GALNTL6: variants seen among roughly 807,000 people sequenced by gnomAD.
GALNTL6 encodes polypeptide N-acetylgalactosaminyltransferase like 6.
A neutral mutation model predicts 73.7 loss-of-function variants in GALNTL6; 46 were observed. That is an observed-to-expected ratio of 0.62 (90% CI 0.49 to 0.80). The LOEUF (loss-of-function observed/expected upper bound fraction) is 0.80, where lower values mean the gene tolerates loss of function less well. Among genes scored for constraint, GALNTL6 ranks in the 30% least tolerant of loss-of-function variants. The probability of loss-of-function intolerance (pLI) is 0.00; values close to 1 mark genes in which losing one functional copy is unlikely to be tolerated. For missense variants in GALNTL6, 604 were observed against 755.0 expected (o/e 0.80, Z 2.34); for synonymous variants, 259 against 263.7 (o/e 0.98, Z 0.17).
At chr4:172,121,841 A>G (rs1407226860) in intron 2 of GALNTL6, among the ~76,000 whole-genome samples, 1 of 152,174 alleles carries the variant, frequency 6.6e-6, no homozygotes, top group Non-Finnish European at 1.5e-5. Flanking sequence ...AGAAAAATAC[A>G]AAGAAAAATT....
At chr4:172,064,441 C>T (rs1236083189) in intron 2 of GALNTL6, among the ~76,000 whole-genome samples, 1 of 152,154 alleles carries the variant, frequency 6.6e-6, no homozygotes, top group African/African-American at 2.4e-5. Flanking sequence ...TATTCTAGGT[C>T]ATAGACAATT....
chr4:172,620,081 T>G (rs930099422), intron 5 of GALNTL6, among the ~76,000 whole-genome samples: 1 of 152,218 alleles, frequency 6.6e-6, no homozygotes, highest in African/African-American at 2.4e-5. Context: ...GTTTTCATGT[T>G]TTTAGTCTGC....
intron 5 of GALNTL6, among the ~76,000 whole-genome samples, chr4:172,687,471 T>C (rs1430119654): frequency 6.6e-6 from 1 of 151,748 alleles, no homozygotes; most frequent in Non-Finnish European, 1.5e-5. Flanking sequence ...CTACTAAAAA[T>C]GCAAACATTA....
At chr4:172,097,676 G>A (rs76714197) in intron 2 of GALNTL6, among the ~76,000 whole-genome samples, 3,089 of 152,246 alleles carry the variant, frequency 0.02, 104 homozygotes, top group African/African-American at 0.068. Flanking sequence ...TGAAGTCATT[G>A]TTTGTTGAGC....
intron 5 of GALNTL6, among the ~76,000 whole-genome samples, chr4:172,552,856 A>AAAAAAAAAC (rs1173624538): frequency 7.0e-6 from 1 of 141,984 alleles, no homozygotes; most frequent in Non-Finnish European, 1.6e-5. Context: ...AAAAAAAAAA[A>AAAAAAAAAC]AGGTAAAAAC....
intron 2 of GALNTL6, among the ~76,000 whole-genome samples, chr4:172,197,835 C>T (rs59054809): frequency 0.013 from 1,994 of 152,176 alleles, 41 homozygotes; most frequent in African/African-American, 0.044. Flanking sequence ...CTAGGCCGGA[C>T]GCGGTGGCTC....
chr4:172,492,197 C>T (rs2110749773), intron 5 of GALNTL6, among the ~76,000 whole-genome samples: 1 of 152,124 alleles, frequency 6.6e-6, no homozygotes, highest in East Asian at 1.9e-4. Context: ...TGTAGATCCC[C>T]AAAATATAAA....
chr4:172,503,739 T>A (rs1031366855), intron 5 of GALNTL6, among the ~76,000 whole-genome samples: 4 of 151,344 alleles, frequency 2.6e-5, no homozygotes, highest in African/African-American at 9.7e-5. Flanking sequence ...AAAAAAGTAA[T>A]ATTCTAAACA....
chr4:172,892,582 C>A (rs1484864989), intron 8 of GALNTL6, among the ~76,000 whole-genome samples: 3 of 149,700 alleles, frequency 2.0e-5, no homozygotes. Flanking sequence ...TTACTGTTGT[C>A]GGCTTTGTTC....
chr4:172,465,370 G>A (rs190560977), intron 5 of GALNTL6, among the ~76,000 whole-genome samples: 173 of 152,014 alleles, frequency 1.1e-3, no homozygotes, highest in African/African-American at 3.9e-3. Flanking sequence ...CCAGCTACTC[G>A]GGAGGCTGAG....
chr4:172,082,868 T>C (rs2174490), intron 2 of GALNTL6, among the ~76,000 whole-genome samples: 110,381 of 152,118 alleles, frequency 0.73, 40,371 homozygotes, highest in South Asian at 0.8. Flanking sequence ...TTATTGGAAG[T>C]GGAGGGAGAG....
intron 5 of GALNTL6, among the ~76,000 whole-genome samples, chr4:172,447,345 C>T (rs1732059341): frequency 6.6e-6 from 1 of 152,156 alleles, no homozygotes; most frequent in African/African-American, 2.4e-5. Context: ...TCAAATGTCA[C>T]TCTTCCTGGC....
intron 5 of GALNTL6, among the ~76,000 whole-genome samples, chr4:172,537,942 T>G (rs999038230): frequency 6.6e-6 from 1 of 152,152 alleles, no homozygotes; most frequent in Non-Finnish European, 1.5e-5. Flanking sequence ...AAATGCTCTA[T>G]GAACTTATTT....
At chr4:172,669,031 A>G (rs1257375890) in intron 5 of GALNTL6, 2 of 152,312 alleles carry the variant, frequency 1.3e-5, no homozygotes, top group African/African-American at 4.8e-5. Context: ...TTATAGATTC[A>G]GTTCTGTAAT....
intron 5 of GALNTL6, among the ~76,000 whole-genome samples, chr4:172,593,396 A>G (rs1737727512): frequency 6.6e-6 from 1 of 152,212 alleles, no homozygotes; most frequent in Admixed American, 6.5e-5. Flanking sequence ...TTAACTGGAT[A>G]TATTCTTTGT....
intron 5 of GALNTL6, among the ~76,000 whole-genome samples, chr4:172,639,745 G>A (rs1204655754): frequency 1.3e-5 from 2 of 151,846 alleles, no homozygotes; most frequent in Non-Finnish European, 2.9e-5. Context: ...CTTTGAACCA[G>A]CTCCCACCAT....
chr4:172,346,996 T>TC (rs1487273053), intron 4 of GALNTL6, among the ~76,000 whole-genome samples: 1 of 146,676 alleles, frequency 6.8e-6, no homozygotes. Flanking sequence ...TTCTTTTTTT[T>TC]TTTTTTTTTT....
Position 172,408,705 on chromosome 4 carries a change from C to T in GALNTL6, c.553+60016C>T, listed in dbSNP as rs142617813. Among the ~76,000 whole-genome samples the T allele has an allele frequency of 2.2e-3, 339 of 151,674 alleles. 3 individuals carry two copies. The highest frequency in any genetic ancestry group is 0.021 in the Admixed American group (325 of 15,202). ...GAATTAAACTGATGTTGTTAGTAGG[C>T]GAGGAAATACTCCTCTGTTGTTGCT... On this transcript the variant is annotated intron_variant, in intron 5 of 12. Coordinates refer to ENST00000506823, the MANE Select transcript of GALNTL6 (RefSeq NM_001034845.3).
At chr4:171,866,824 A>T (rs939851260) in intron 2 of GALNTL6, among the ~76,000 whole-genome samples, 1 of 152,156 alleles carries the variant, frequency 6.6e-6, no homozygotes, top group Non-Finnish European at 1.5e-5. Context: ...AATCCCATTT[A>T]GGAGGGCCAT....
Sources: allele counts gnomAD v4.1 joint callset (sites outside exome capture counted in the v4.1 genomes callset), GRCh38; gene constraint gnomAD v4.1.1; transcripts MANE v1.5; gene names NCBI Gene and HGNC (gene_info 2026-07-23, HGNC 2026-07-21).